The following CCDC191 variants were observed in gnomAD, a reference collection of about 807,000 sequenced individuals.
CCDC191 encodes coiled-coil domain-containing protein 191.
Under a neutral mutation model 114.0 loss-of-function variants are expected in CCDC191, and 99 were observed. The observed-to-expected ratio is 0.87, with a 90% CI of 0.74 to 1.03. The LOEUF is 1.03. Among genes scored for constraint, CCDC191 ranks in the 50% least tolerant of loss-of-function variants. The probability of loss-of-function intolerance (pLI) is 0.00; values close to 1 mark genes in which losing one functional copy is unlikely to be tolerated. For synonymous variants in CCDC191, 351 were observed against 376.0 expected, an observed-to-expected ratio of 0.93 and a Z score of 0.77; for missense variants, 973 against 1,087.0, an observed-to-expected ratio of 0.90 and a Z score of 1.47.
chr3:114,012,105 C>CT (rs2107683435), intron 8 of CCDC191, among the ~76,000 whole-genome samples: 1 of 152,252 alleles, frequency 6.6e-6, no homozygotes, highest in East Asian at 1.9e-4. Flanking sequence ...TCATAAAGTT[C>CT]TTAACTCAGT....
At chr3:114,040,964 T>C (rs2076551892) in intron 4 of CCDC191, among the ~76,000 whole-genome samples, 1 of 152,092 alleles carries the variant, frequency 6.6e-6, no homozygotes, top group Admixed American at 6.6e-5. Flanking sequence ...AATATGTTAA[T>C]TAACATTTTT....
In CCDC191 at chr3:114,034,968, C is replaced by G. The variant is rs775985138; in HGVS notation, c.775G>C (p.Glu259Gln). 136 of 1,613,946 alleles carry G rather than the reference C, an allele frequency of 8.4e-5. No individual in the cohort carries two copies. The highest frequency in any genetic ancestry group is 1.1e-4 in the Non-Finnish European group (133 of 1,180,000). The change falls in exon 6 of 17, where the codon GAG (glutamate) becomes CAG (glutamine). Residue 259 changes from glutamate to glutamine, a missense_variant. Coordinates refer to ENST00000295878, the MANE Select transcript of CCDC191 (RefSeq NM_020817.2). ...IQREMVKLRR[E>Q]IIERRRTVKA... The stretch of plus-strand genomic sequence containing the variant: ...ACAGTGCGTCTCCTCTCAATTATCT[C>G]CCTCCGCAGCTTCACCATCTCCCTT...
At chr3:114,054,939 C>T (rs1195769836) in intron 1 of CCDC191, among the ~76,000 whole-genome samples, 1 of 151,930 alleles carries the variant, frequency 6.6e-6, no homozygotes, top group Non-Finnish European at 1.5e-5. Context: ...GTCATTGGAG[C>T]ACTAAATCTC....
intron 16 of CCDC191, among the ~76,000 whole-genome samples, chr3:113,967,034 G>A (rs1468001278): frequency 6.6e-6 from 1 of 152,268 alleles, no homozygotes; most frequent in South Asian, 2.1e-4. Flanking sequence ...GGGAGGTGGA[G>A]GTTGCAGTGA....
Position 113,978,222 on chromosome 3 carries a change from T to C in CCDC191, c.2570A>G (p.Gln857Arg), listed in dbSNP as rs2075002114. Residue 857 changes from glutamine (Q) to arginine (R), a missense_variant, in exon 16 of 17, where the codon CAG becomes CGG. By Grantham distance (43) the Gln-to-Arg change is conservative. Coordinates refer to ENST00000295878, the MANE Select transcript of CCDC191 (RefSeq NM_020817.2). ...NMVREVKIDS[Q>R]GKHEIAAEHS... is the part of the protein sequence containing the mutation. ...CTCCGCTGCAATCTCATGCTTGCCC[T>C]GAGAATCGATCTTCACCTCCCTGAC... 1.2e-6 allele frequency: 2 copies of C among 1,614,062 alleles called. No homozygotes were observed. The highest frequency in any genetic ancestry group is 4.5e-5 in the East Asian group (2 of 44,882).
At chr3:113,987,848 C>G (rs963174213) in intron 13 of CCDC191, among the ~76,000 whole-genome samples, 1 of 151,756 alleles carries the variant, frequency 6.6e-6, no homozygotes, top group African/African-American at 2.4e-5. Context: ...TTGAGACCAG[C>G]CTGGTCAAGA....
chr3:114,008,316 G>T (rs2076008985), intron 9 of CCDC191, among the ~76,000 whole-genome samples: 1 of 151,594 alleles, frequency 6.6e-6, no homozygotes, highest in South Asian at 2.1e-4. Flanking sequence ...ACATTGCCTA[G>T]GGGAAGGGAC....
intron 13 of CCDC191, among the ~76,000 whole-genome samples, chr3:113,998,601 G>C (rs2075785496): frequency 6.6e-6 from 1 of 152,160 alleles, no homozygotes; most frequent in African/African-American, 2.4e-5. Context: ...CCTGACTAAA[G>C]GCACTGCCGA....
Position 114,004,700 on chromosome 3 carries a change from T to G in CCDC191, c.1915A>C (p.Asn639His). 1.9e-6 allele frequency: 3 copies of G among 1,611,898 alleles called. No individual in the cohort carries two copies. The highest frequency in any genetic ancestry group is 2.2e-5 in the South Asian group (2 of 90,998). ...PGTEGRSDSR[N>H]SLSGLRRKPK... ...TTCCTTCTGAGTCCAGAAAGAGAAT[T>G]TCGGGAGTCACTTCTGCCTTCAGTC... The change falls in exon 11 of 17, where the codon AAT (asparagine) becomes CAT (histidine). Residue 639 changes from asparagine (N) to histidine (H), a missense_variant. Coordinates refer to ENST00000295878, the MANE Select transcript of CCDC191 (RefSeq NM_020817.2).
At chr3:114,022,676 A>G (rs529426827) in intron 7 of CCDC191, among the ~76,000 whole-genome samples, 3 of 152,234 alleles carry the variant, frequency 2.0e-5, no homozygotes, top group South Asian at 4.1e-4. Flanking sequence ...CTATTGCTAC[A>G]AAAGGGAGCA....
At chr3:114,034,530 A>G (rs1015495045) in intron 6 of CCDC191, among the ~76,000 whole-genome samples, 1 of 152,238 alleles carries the variant, frequency 6.6e-6, no homozygotes, top group African/African-American at 2.4e-5. Flanking sequence ...AAAAAACTCT[A>G]TGCTTAAAGA....
intron 16 of CCDC191, among the ~76,000 whole-genome samples, chr3:113,969,289 TC>T (rs1241331705): frequency 6.6e-6 from 1 of 152,208 alleles, no homozygotes; most frequent in Non-Finnish European, 1.5e-5. Context: ...ACTCTCTCTC[TC>T]TTTCTGTGGG....
intron 3 of CCDC191, among the ~76,000 whole-genome samples, chr3:114,043,985 G>C (rs1047800578): frequency 6.6e-6 from 1 of 152,032 alleles, no homozygotes; most frequent in Non-Finnish European, 1.5e-5. Flanking sequence ...GGCTTGAGGA[G>C]GAAGATTAGG....
At chr3:113,984,733 T>A (rs2075292091) in intron 13 of CCDC191, 1 of 152,224 alleles carries the variant, frequency 6.6e-6, no homozygotes, top group Admixed American at 6.5e-5. Flanking sequence ...TGACAAAATC[T>A]TCTTATCTAT....
intron 4 of CCDC191, among the ~76,000 whole-genome samples, chr3:114,038,480 T>A (rs951906893): frequency 6.6e-6 from 1 of 152,214 alleles, no homozygotes; most frequent in Admixed American, 6.5e-5. Flanking sequence ...TATAAAAGTA[T>A]AGCACGTGTA....
intron 8 of CCDC191, among the ~76,000 whole-genome samples, chr3:114,017,464 C>T (rs2076178441): frequency 6.6e-6 from 1 of 152,162 alleles, no homozygotes; most frequent in African/African-American, 2.4e-5. Context: ...GCCCATTCAA[C>T]TGTGAGTTCT....
intron 5 of CCDC191, 69 bp from the exon 6 acceptor site, chr3:114,035,217 T>C: frequency 8.5e-7 from 1 of 1,176,800 alleles, no homozygotes; most frequent in Non-Finnish European, 1.2e-6. Context: ...AGCCTTACAA[T>C]ACATTTTGAA....
rs368860462 is a variant in CCDC191 at position 114,005,402 on chromosome 3, G to A, written c.1868+106C>T. 115 of 1,155,412 alleles carry A rather than the reference G, an allele frequency of 1.0e-4. 7 individuals carry two copies. Among genetic ancestry groups the A allele is most frequent in the Admixed American group, 6.8e-4 (29 of 42,538 alleles). The allele number at this position is 1,155,412 out of a possible 1,614,324, so 71.6% of individuals were successfully genotyped here. A position where few individuals can be genotyped will look rare whatever the true frequency, so the allele number is the denominator to read the frequency against. ...TTTGCTTTGAGAGTGCAAAATCAAG[G>A]AAAAGGAACAATCATGGGGCTCAGA... is the stretch of plus-strand genomic sequence containing the variant. On this transcript the variant is annotated intron_variant, in intron 10 of 16. Transcript: ENST00000295878.
chr3:114,005,851 T>C lies in CCDC191; in HGVS notation c.1525A>G (p.Asn509Asp). Residue 509 changes from asparagine (N) to aspartate (D), a missense_variant, in exon 10 of 17, where the codon AAT (asparagine) becomes GAT (aspartate). Asn to Asp is a conservative substitution (Grantham distance 23). Transcript: ENST00000295878. The stretch of plus-strand genomic sequence containing the variant: ...TTGCCAGGTGCACTCAGAGAGACAT[T>C]CTGAAGGGAACCCTGCAAGTTGCCT... ...TTGNLQGSLQ[N>D]VSLSAPGNKQ... 6.2e-7 allele frequency: 1 copy of C among 1,614,008 alleles called. No individual in the cohort carries two copies. The highest frequency in any genetic ancestry group is 1.1e-5 in the South Asian group (1 of 91,076).
Sources: allele counts gnomAD v4.1 joint callset (sites outside exome capture counted in the v4.1 genomes callset), GRCh38; gene constraint gnomAD v4.1.1; transcripts MANE v1.5; gene names NCBI Gene and HGNC (gene_info 2026-07-23, HGNC 2026-07-21).